SNED1: variants seen among roughly 807,000 people sequenced by gnomAD.
SNED1 encodes sushi, nidogen and EGF-like domain-containing protein 1.
A neutral mutation model predicts 166.7 loss-of-function variants in SNED1; 81 were observed. That is an observed-to-expected ratio of 0.49 (90% CI 0.41 to 0.58). The LOEUF is 0.58. Among genes scored for constraint, SNED1 ranks in the 20% least tolerant of loss-of-function variants. The pLI is 0.00. For missense variants in SNED1, 1,604 were observed against 2,000.2 expected (o/e 0.80, Z 3.78); for synonymous variants, 762 against 822.0 (o/e 0.93, Z 1.25).
rs1026668444 is a variant in SNED1 at position 241,067,766 on chromosome 2, C to A, written c.3013C>A (p.Pro1005Thr). The A allele has an allele frequency of 6.2e-6, 10 of 1,605,778 alleles. No individual in the cohort carries two copies. The highest frequency in any genetic ancestry group is 8.5e-6 in the Non-Finnish European group (10 of 1,173,850). ...GCTGAACAGTCCATTCCCCCTAGGACCCCGCCCTGTGGAAGGCTTCGAGGT... is the reference window on the plus strand; with the variant it reads ...GCTGAACAGTCCATTCCCCCTAGGAACCCGCCCTGTGGAAGGCTTCGAGGT... ...RPAVLLARTRPRPVEGFEVTN... is the reference protein window; with the variant it reads ...RPAVLLARTRTRPVEGFEVTN... The change falls in exon 22 of 32, where the codon CCC becomes ACC. Residue 1005 changes from proline (P) to threonine (T), a missense_variant and splice_region_variant. Coordinates refer to ENST00000310397, the MANE Select transcript of SNED1 (RefSeq NM_001080437.3).
At chr2:241,065,726 G>A in intron 21 of SNED1, 131 bp downstream of exon 21, 1 of 819,910 alleles carries the variant, frequency 1.2e-6, no homozygotes, top group Non-Finnish European at 1.9e-6. Context: ...ACAGACAGCT[G>A]AGCTGGGGGT....
intron 29 of SNED1, among the ~76,000 whole-genome samples, chr2:241,083,151 G>C (rs549707404): frequency 3.9e-5 from 6 of 152,368 alleles, no homozygotes; most frequent in African/African-American, 1.4e-4. Context: ...GACCAGGAGA[G>C]CCTGCTGGGG....
In SNED1 at chr2:241,094,414, A is replaced by G; in HGVS notation, c.*2778A>G. 2.1e-6 allele frequency: 1 copy of G among 471,252 alleles called. No individual in the cohort carries two copies. Among genetic ancestry groups the G allele is most frequent in the Non-Finnish European group, 4.4e-6 (1 of 227,054 alleles). 29.2% of individuals were successfully genotyped at this position (471,252 alleles called of 1,614,324 possible). On this transcript the variant is annotated 3_prime_UTR_variant, in exon 32 of 32. Transcript: ENST00000310397. This position sits in a 1 kb window ranked among gnomAD's most constrained non-coding sequence, Gnocchi z 4.3. Reference sequence around the variant, plus strand: ...AACAAAAGTCTTTTTCTTTGCAGTCACGCTGTAAGACGAGGCTGCTGGAGA... The same window carrying G: ...AACAAAAGTCTTTTTCTTTGCAGTCGCGCTGTAAGACGAGGCTGCTGGAGA...
At chr2:241,060,057 G>C (rs776581950) in intron 16 of SNED1, among the ~76,000 whole-genome samples, 1 of 152,228 alleles carries the variant, frequency 6.6e-6, no homozygotes, top group Non-Finnish European at 1.5e-5. Context: ...TACAGGGTCA[G>C]TATATAGAAC....
At chr2:241,065,893 G>C (rs13009926) in intron 21 of SNED1, among the ~76,000 whole-genome samples, 1,980 of 151,780 alleles carry the variant, frequency 0.013, 25 homozygotes, top group South Asian at 0.023. Context: ...AGGAATGGGG[G>C]CTTCCCAAAA....
In SNED1 at chr2:241,051,940, C is replaced by A; in HGVS notation, c.1852+80C>A. 2 of 1,467,630 alleles carry A rather than the reference C, an allele frequency of 1.4e-6. No individual in the cohort carries two copies. The highest frequency in any genetic ancestry group is 9.3e-7 in the Non-Finnish European group (1 of 1,072,608). The allele number at this position is 1,467,630 out of a possible 1,614,324, so 90.9% of individuals were successfully genotyped here. A position where few individuals can be genotyped will look rare whatever the true frequency, so the allele number is the denominator to read the frequency against. On this transcript the variant is annotated intron_variant, in intron 13 of 31. Transcript: ENST00000310397. The surrounding 1 kb of genome is among the most constrained non-coding windows in gnomAD (Gnocchi z 4.7). ...GGGGCCCCTGATGCACCCTCCCTGC[C>A]AGCTGTGGGTCTGCTTCTCATGAAG...
chr2:241,070,409 A>G (rs1260121880), intron 24 of SNED1, among the ~76,000 whole-genome samples: 4 of 152,262 alleles, frequency 2.6e-5, no homozygotes, highest in African/African-American at 9.6e-5. Context: ...GGTGGCACCA[A>G]CAACTGGAAT....
intron 15 of SNED1, 62 bp from the exon 16 acceptor site, chr2:241,053,091 G>C: frequency 6.6e-7 from 1 of 1,512,182 alleles, no homozygotes; most frequent in Non-Finnish European, 9.0e-7. Context: ...GGCAGAGGCA[G>C]GGCGGTGGGG....
intron 27 of SNED1, 118 bp from the exon 28 acceptor site, chr2:241,081,559 C>T: frequency 5.3e-6 from 4 of 751,654 alleles, no homozygotes; most frequent in Non-Finnish European, 9.2e-6. Context: ...CGCAGCACAC[C>T]ACAGAGGAGT....
At chr2:241,060,251 C>G (rs571025547) in intron 16 of SNED1, among the ~76,000 whole-genome samples, 1 of 151,208 alleles carries the variant, frequency 6.6e-6, no homozygotes, top group Non-Finnish European at 1.5e-5. Flanking sequence ...GGCACAATCT[C>G]GGCTCACTGC....
chr2:241,090,063 C>T, intron 31 of SNED1: 1 of 1,523,728 alleles, frequency 6.6e-7, no homozygotes, highest in Non-Finnish European at 8.8e-7. Flanking sequence ...AGAAATTAAC[C>T]TTAGCTTACT....
intron 29 of SNED1, among the ~76,000 whole-genome samples, chr2:241,083,500 T>C (rs2063430891): frequency 1.3e-5 from 2 of 152,176 alleles, no homozygotes; most frequent in African/African-American, 4.8e-5. Flanking sequence ...AGAAGCTTCA[T>C]TAGAGCTTGG....
At chr2:241,090,466 G>A in intron 31 of SNED1, 1 of 1,529,232 alleles carries the variant, frequency 6.5e-7, no homozygotes, top group Non-Finnish European at 8.8e-7. Flanking sequence ...TAATGATGAA[G>A]AGTATAGTAA....
Position 241,071,645 on chromosome 2 carries a change from C to T in SNED1, c.3659C>T (p.Pro1220Leu), listed in dbSNP as rs748990545. ...CACCCTCGGGTGCTCAAGAACAGAC[C>T]GCCCCCGGCGCGCCTGCCGGAGCTG... ...GHHPRVLKNRPPPARLPELRL... is the reference protein window; with the variant it reads ...GHHPRVLKNRLPPARLPELRL... The change falls in exon 25 of 32, where the codon CCG becomes CTG. Residue 1220 changes from proline (P) to leucine (L), a missense_variant. Transcript: ENST00000310397. 77 of 1,573,768 alleles carry T rather than the reference C, an allele frequency of 4.9e-5. No individual in the cohort carries two copies. Among genetic ancestry groups the T allele is most frequent in the South Asian group, 6.9e-5 (6 of 86,630 alleles).
intron 5 of SNED1, 68 bp from the exon 6 acceptor site, chr2:241,037,172 C>G (rs531609568): frequency 4.4e-6 from 6 of 1,360,526 alleles, no homozygotes; most frequent in African/African-American, 1.4e-5. Flanking sequence ...CGGCCCAACC[C>G]GAGCCCTTAG....
chr2:241,045,186 T>A (rs12105789), intron 8 of SNED1, among the ~76,000 whole-genome samples: 4,356 of 152,296 alleles, frequency 0.029, 222 homozygotes, highest in African/African-American at 0.1. Context: ...CATACCATGT[T>A]CATGGATTAG....
chr2:241,033,453 T>G (rs1007385268), intron 2 of SNED1: 1 of 390,520 alleles, frequency 2.6e-6, no homozygotes, highest in Admixed American at 4.4e-5. Context: ...GGGGACAGTG[T>G]CTGCTCCCAT....
intron 1 of SNED1, among the ~76,000 whole-genome samples, chr2:241,004,147 A>T (rs924943967): frequency 6.6e-6 from 1 of 152,240 alleles, no homozygotes; most frequent in Non-Finnish European, 1.5e-5. Context: ...AGCCATGAAG[A>T]AAGGAGATGT....
chr2:241,079,569 A>T (rs2063228807), intron 27 of SNED1, among the ~76,000 whole-genome samples: 1 of 152,208 alleles, frequency 6.6e-6, no homozygotes, highest in African/African-American at 2.4e-5. Flanking sequence ...AGAACTGCAT[A>T]ATGGGACTGG....
Sources: gnomAD v4.1 joint callset for allele counts (sites outside exome capture counted in the v4.1 genomes callset) on GRCh38, gnomAD v4.1.1 for gene constraint, Gnocchi (gnomAD v3.1) non-coding constraint, MANE v1.5 for transcripts, NCBI Gene and HGNC (gene_info 2026-07-23, HGNC 2026-07-21) for gene names.